The following CAMK1D variants were observed in gnomAD, a reference collection of about 807,000 sequenced individuals.
CAMK1D encodes calcium/calmodulin-dependent protein kinase type 1D.
CAMK1D carries 9 observed loss-of-function variants against 47.7 expected under a neutral mutation model. That is an observed-to-expected ratio of 0.19 (90% confidence interval 0.11 to 0.33). The LOEUF (loss-of-function observed/expected upper bound fraction) is 0.33. Among genes scored for constraint, CAMK1D ranks in the 10% least tolerant of loss-of-function variants. CAMK1D has a pLI of 1.00. For missense variants in CAMK1D, 291 were observed against 488.7 expected (o/e 0.60, Z 3.81); for synonymous variants, 184 against 184.9 (o/e 0.99, Z 0.04).
chr10:12,558,510 TG>T (rs1406179066), intron 2 of CAMK1D, among the ~76,000 whole-genome samples: 1 of 151,822 alleles, frequency 6.6e-6, no homozygotes, highest in Admixed American at 6.6e-5. Context: ...ACCGAGATCG[TG>T]CCGTTGCACT....
At chr10:12,792,458 A>G (rs954055039) in intron 6 of CAMK1D, among the ~76,000 whole-genome samples, 1 of 152,212 alleles carries the variant, frequency 6.6e-6, no homozygotes, top group Non-Finnish European at 1.5e-5. Flanking sequence ...CATCACCCCC[A>G]AGGAGAAACA....
At chr10:12,704,268 A>G (rs1833645341) in intron 3 of CAMK1D, among the ~76,000 whole-genome samples, 1 of 152,242 alleles carries the variant, frequency 6.6e-6, no homozygotes, top group Non-Finnish European at 1.5e-5. Context: ...GGCTGTTATC[A>G]GCATTTCATA....
At chr10:12,486,388 G>C (rs940953293) in intron 1 of CAMK1D, among the ~76,000 whole-genome samples, 2 of 152,164 alleles carry the variant, frequency 1.3e-5, no homozygotes, top group Non-Finnish European at 2.9e-5. Context: ...TTGATCTCCT[G>C]ACCTCGTGAT....
intron 3 of CAMK1D, among the ~76,000 whole-genome samples, chr10:12,727,206 T>C (rs572424622): frequency 6.6e-4 from 100 of 152,232 alleles, no homozygotes; most frequent in Non-Finnish European, 1.1e-3. Context: ...GATGCTAGGC[T>C]ACAACTTACA....
chr10:12,611,950 T>C lies in CAMK1D; in HGVS notation c.225-54786T>C, dbSNP rs79044865. Among the ~76,000 whole-genome samples, 765 of 152,286 alleles carry C rather than the reference T, an allele frequency of 5.0e-3. 6 individuals carry two copies. Among genetic ancestry groups the C allele is most frequent in the East Asian group, 0.049 (255 of 5,174 alleles). On this transcript the variant is annotated intron_variant, in intron 2 of 10. Transcript: ENST00000619168. ...GGTTATCCTGCTAATGCCTTATTTC[T>C]CCACTTCATGAAGCATTTCATTTCT...
intron 3 of CAMK1D, among the ~76,000 whole-genome samples, chr10:12,691,400 TATAAATATATATATA>T (rs1832909630): frequency 2.6e-4 from 2 of 7,572 alleles, no homozygotes; most frequent in African/African-American, 9.3e-4. Context: ...TATATATATA[TATAAATATATATATA>T]TATATATTTT....
At chr10:12,663,331 A>G (rs1170659604) in intron 2 of CAMK1D, among the ~76,000 whole-genome samples, 1 of 152,176 alleles carries the variant, frequency 6.6e-6, no homozygotes, top group African/African-American at 2.4e-5. Flanking sequence ...CCAGATCTGA[A>G]TGCTAGAGTC....
chr10:12,385,957 G>A (rs954816799), intron 1 of CAMK1D, among the ~76,000 whole-genome samples: 2 of 152,076 alleles, frequency 1.3e-5, no homozygotes, highest in South Asian at 2.1e-4. Flanking sequence ...TGTTGGTCAC[G>A]CTGGTCTTGA....
intron 1 of CAMK1D, among the ~76,000 whole-genome samples, chr10:12,546,371 CAG>C (rs34222959): frequency 0.29 from 43,427 of 151,810 alleles, 6,352 homozygotes; most frequent in Admixed American, 0.35. Context: ...ATGACAGAGA[CAG>C]AGAGCAGTAA....
At position 12,444,730 on chromosome 10, in the gene CAMK1D, A is replaced by G. The variant is rs565324987; in HGVS notation, c.92+94820A>G. 8.5e-5 allele frequency among the ~76,000 whole-genome samples: 13 copies of G among 152,292 alleles called. No individual in the cohort carries two copies. The South Asian group carries it at 2.5e-3, about 29-fold the overall frequency. On this transcript the variant is annotated intron_variant, in intron 1 of 10. Transcript: ENST00000619168. ...GCATTCAAAGGTTTTCTGATTAGCA[A>G]TTGGTTGAAAGAGTTAAGTTATTAT... is the stretch of plus-strand genomic sequence containing the variant.
At chr10:12,598,373 G>A (rs1838204538) in intron 2 of CAMK1D, among the ~76,000 whole-genome samples, 1 of 152,140 alleles carries the variant, frequency 6.6e-6, no homozygotes, top group African/African-American at 2.4e-5. Context: ...AAATTCGAAC[G>A]ATGTCGATAA....
chr10:12,736,381 A>G (rs978644079), intron 3 of CAMK1D, among the ~76,000 whole-genome samples: 1 of 152,180 alleles, frequency 6.6e-6, no homozygotes, highest in Non-Finnish European at 1.5e-5. Context: ...TGTTGACTAG[A>G]TAAGCATCGT....
rs957452580 is a variant in CAMK1D at position 12,834,972 on chromosome 10, A to G, written c.*6085A>G. On this transcript the variant is annotated 3_prime_UTR_variant, in exon 11 of 11. Transcript: ENST00000619168. ...CACCTGCCACTCTCCTTCCCGGGGC[A>G]CTTGGCCCTATCAGAGGGACATGAA... The G allele has an allele frequency of 2.0e-5, 3 of 152,222 alleles. No homozygotes were observed. The highest frequency in any genetic ancestry group is 7.2e-5 in the African/African-American group (3 of 41,464). 9.4% of individuals were successfully genotyped at this position (152,222 alleles called of 1,614,324 possible). A position where few individuals can be genotyped will look rare whatever the true frequency, so the allele number is the denominator to read the frequency against.
At chr10:12,443,060 C>T (rs2132016436) in intron 1 of CAMK1D, among the ~76,000 whole-genome samples, 1 of 152,246 alleles carries the variant, frequency 6.6e-6, no homozygotes, top group South Asian at 2.1e-4. Flanking sequence ...ATTCCATCTA[C>T]ATATGAACTC....
At chr10:12,380,671 A>C (rs1176970118) in intron 1 of CAMK1D, among the ~76,000 whole-genome samples, 1 of 152,160 alleles carries the variant, frequency 6.6e-6, no homozygotes, top group Non-Finnish European at 1.5e-5. Flanking sequence ...CCTGGCTAAC[A>C]CGGTGAAACC....
At chr10:12,537,733 G>GCTAT (rs1391951194) in intron 1 of CAMK1D, among the ~76,000 whole-genome samples, 1 of 152,132 alleles carries the variant, frequency 6.6e-6, no homozygotes, top group Admixed American at 6.5e-5. Flanking sequence ...GCATAACAGG[G>GCTAT]CTATTATCTC....
chr10:12,367,114 G>C (rs141517562), intron 1 of CAMK1D, among the ~76,000 whole-genome samples: 1 of 152,242 alleles, frequency 6.6e-6, no homozygotes, highest in African/African-American at 2.4e-5. Context: ...AATTATACTT[G>C]TGAGAAAAAG....
chr10:12,695,454 C>T (rs1451204880), intron 3 of CAMK1D, among the ~76,000 whole-genome samples: 1 of 152,226 alleles, frequency 6.6e-6, no homozygotes, highest in Non-Finnish European at 1.5e-5. Context: ...CTACCTACTC[C>T]CAGCTCAGCT....
intron 10 of CAMK1D, among the ~76,000 whole-genome samples, chr10:12,827,468 G>GTCTTTCTTTCTTT (rs1294410746): frequency 2.6e-4 from 1 of 3,792 alleles, no homozygotes; most frequent in Non-Finnish European, 7.8e-4. Context: ...TTCTTTGTCT[G>GTCTTTCTTTCTTT]TCTGTCTTTC....
Sources: allele counts gnomAD v4.1 joint callset (sites outside exome capture counted in the v4.1 genomes callset), GRCh38; gene constraint gnomAD v4.1.1; transcripts MANE v1.5; gene names NCBI Gene and HGNC (gene_info 2026-07-23, HGNC 2026-07-21).